The following HDAC4 variants were observed in gnomAD, a reference collection of about 807,000 sequenced individuals.
The protein encoded by HDAC4 is histone deacetylase 4.
HDAC4 carries 16 observed loss-of-function variants against 135.1 expected under a neutral mutation model. The ratio of observed to expected loss-of-function variants is 0.12; its 90% CI spans 0.08 to 0.18. HDAC4 has a LOEUF of 0.18. Ranked by LOEUF, HDAC4 falls within the 10% of genes least tolerant of loss-of-function variation. The pLI is 1.00. For missense variants in HDAC4, 1,143 were observed against 1,511.8 expected (o/e 0.76, Z 4.05); for synonymous variants, 685 against 653.4 (o/e 1.05, Z -0.74).
chr2:239,311,397 G>A (rs1477913718), intron 2 of HDAC4, among the ~76,000 whole-genome samples: 13 of 152,218 alleles, frequency 8.5e-5, no homozygotes, highest in Admixed American at 7.2e-4. Context: ...GCAAACAGTG[G>A]ATGAAGTGTC....
Position 239,120,394 on chromosome 2 carries a change from C to CGCACACACAGAT in HDAC4, c.1534-5085_1534-5084insATCTGTGTGTGC, listed in dbSNP as rs2039547395. Among the ~76,000 whole-genome samples, 6 of 147,472 alleles carry CGCACACACAGAT rather than the reference C, an allele frequency of 4.1e-5. No individual in the cohort carries two copies. In the East Asian group the frequency reaches 6.2e-4, roughly 15 times the overall value. On this transcript the variant is annotated intron_variant, in intron 12 of 26. Coordinates refer to ENST00000543185, the MANE Select transcript of HDAC4 (RefSeq NM_001378414.1). ...ATATACCCGCAGAGGCACACACAGA[C>CGCACACACAGAT]GCACACAGACACACACACACAGACA...
intron 2 of HDAC4, among the ~76,000 whole-genome samples, chr2:239,295,167 C>CGTAGTG (rs1394759971): frequency 6.6e-6 from 1 of 150,820 alleles, no homozygotes; most frequent in Non-Finnish European, 1.5e-5. Context: ...ATTAGCCAGG[C>CGTAGTG]GTAGTGGCGG....
Position 239,255,295 on chromosome 2 carries a change from CTGTG to C in HDAC4, c.23-18635_23-18632del, listed in dbSNP as rs60768204. Reference sequence around the variant, plus strand: ...GACTATGTGTAATCTTGTTTTCTCACTGTGTGTGTGTGTGTGTGTGTGTGTGTGT... The same window carrying C: ...GACTATGTGTAATCTTGTTTTCTCACTGTGTGTGTGTGTGTGTGTGTGTGT... On this transcript the variant is annotated intron_variant, in intron 2 of 26. Coordinates refer to ENST00000543185, the MANE Select transcript of HDAC4 (RefSeq NM_001378414.1). Among the ~76,000 whole-genome samples the C allele has an allele frequency of 8.7e-3, 1,303 of 149,490 alleles. 27 individuals carry two copies. The highest frequency in any genetic ancestry group is 0.087 in the East Asian group (443 of 5,102).
chr2:239,297,463 G>A (rs1430015571), intron 2 of HDAC4, among the ~76,000 whole-genome samples: 1 of 152,258 alleles, frequency 6.6e-6, no homozygotes, highest in African/African-American at 2.4e-5. Context: ...GCATAGGGTT[G>A]AGACGGGGTT....
chr2:239,212,721 C>T (rs1426376608), intron 3 of HDAC4, among the ~76,000 whole-genome samples: 7 of 152,292 alleles, frequency 4.6e-5, no homozygotes, highest in South Asian at 2.1e-4. Flanking sequence ...CTGTGTGAGC[C>T]AGGCCTGGAC....
chr2:239,179,400 G>A lies in HDAC4; in HGVS notation c.340-2837C>T, dbSNP rs190652847. Among the ~76,000 whole-genome samples the A allele has an allele frequency of 1.6e-4, 25 of 152,292 alleles. No homozygotes were observed. In the East Asian group the frequency reaches 2.7e-3, roughly 17 times the overall value. On this transcript the variant is annotated intron_variant, in intron 4 of 26. Coordinates refer to ENST00000543185, the MANE Select transcript of HDAC4 (RefSeq NM_001378414.1). ...TCCCGCCAGAGCTCAAGCTCCTGCT[G>A]GATCAGTGGTGGCATTAGATTCTCA... is the stretch of plus-strand genomic sequence containing the variant.
intron 7 of HDAC4, among the ~76,000 whole-genome samples, chr2:239,147,473 G>C (rs1369587712): frequency 6.6e-6 from 1 of 152,276 alleles, no homozygotes; most frequent in African/African-American, 2.4e-5. Context: ...AGGTAAGCCG[G>C]CACCTGGTGA....
chr2:239,369,058 C>T (rs947795092), intron 1 of HDAC4, among the ~76,000 whole-genome samples: 1 of 152,104 alleles, frequency 6.6e-6, no homozygotes, highest in African/African-American at 2.4e-5. Flanking sequence ...TGACAAAGGA[C>T]CTGCACACAC....
intron 24 of HDAC4, among the ~76,000 whole-genome samples, chr2:239,056,142 T>G (rs1045254020): frequency 6.6e-6 from 1 of 152,158 alleles, no homozygotes; most frequent in Non-Finnish European, 1.5e-5. Context: ...CAGGGCCTCT[T>G]TGGAGGCACA....
intron 18 of HDAC4, among the ~76,000 whole-genome samples, chr2:239,087,953 A>G (rs530565849): frequency 3.6e-4 from 55 of 151,920 alleles, no homozygotes; most frequent in African/African-American, 1.3e-3. Context: ...GGATGTGCTC[A>G]CTCCCCGTCG....
intron 1 of HDAC4, among the ~76,000 whole-genome samples, chr2:239,385,210 A>G (rs984356051): frequency 2.6e-5 from 4 of 152,156 alleles, no homozygotes; most frequent in Admixed American, 6.5e-5. Context: ...CCTCAGCTGA[A>G]AGGTCTCCTC....
intron 17 of HDAC4, chr2:239,093,988 T>G (rs545521315): frequency 1.0e-6 from 1 of 985,322 alleles, no homozygotes; most frequent in Non-Finnish European, 1.2e-6. Context: ...TTCAAAGCAG[T>G]GATTTTTATA....
At chr2:239,077,266 G>C (rs2034856529) in intron 22 of HDAC4, among the ~76,000 whole-genome samples, 1 of 152,258 alleles carries the variant, frequency 6.6e-6, no homozygotes. Context: ...GCACCATCGG[G>C]CTCTGTTCCT....
intron 24 of HDAC4, among the ~76,000 whole-genome samples, chr2:239,063,328 G>C (rs2033044511): frequency 6.6e-6 from 1 of 151,960 alleles, no homozygotes; most frequent in Admixed American, 6.5e-5. Context: ...AGCCTCCCGA[G>C]TAGCTGGGAC....
intron 22 of HDAC4, among the ~76,000 whole-genome samples, chr2:239,078,196 C>T (rs1384947343): frequency 1.3e-5 from 2 of 152,216 alleles, no homozygotes; most frequent in African/African-American, 2.4e-5. Context: ...TTCAAAGCCG[C>T]GTCTGGCACC....
chr2:239,094,484 C>A, intron 17 of HDAC4: 2 of 1,008,046 alleles, frequency 2.0e-6, no homozygotes, highest in Non-Finnish European at 2.4e-6. Flanking sequence ...TAGAAGCTGG[C>A]ACAGACCAGT....
At chr2:239,199,601 C>T (rs977518457) in intron 3 of HDAC4, among the ~76,000 whole-genome samples, 13 of 152,198 alleles carry the variant, frequency 8.5e-5, no homozygotes, top group Non-Finnish European at 1.6e-4. Flanking sequence ...TCACTGTTTA[C>T]GAATGCTCAC....
At chr2:239,173,650 C>T (rs1239255629) in intron 5 of HDAC4, among the ~76,000 whole-genome samples, 1 of 152,150 alleles carries the variant, frequency 6.6e-6, no homozygotes, top group Admixed American at 6.5e-5. Flanking sequence ...ACTATATTGG[C>T]AATCTCAGCC....
chr2:239,094,593 G>A (rs1013883306), intron 17 of HDAC4: 37 of 1,132,152 alleles, frequency 3.3e-5, no homozygotes, highest in Non-Finnish European at 4.0e-5. Context: ...TGAGTATCAC[G>A]GTCACTGCAC....
Sources: gnomAD v4.1 joint callset for allele counts (sites outside exome capture counted in the v4.1 genomes callset) on GRCh38, gnomAD v4.1.1 for gene constraint, MANE v1.5 for transcripts, NCBI Gene and HGNC (gene_info 2026-07-23, HGNC 2026-07-21) for gene names.